LYRM4: variants seen among roughly 807,000 people sequenced by gnomAD.
The protein encoded by LYRM4 is LYR motif-containing protein 4.
Under a neutral mutation model 11.7 loss-of-function variants are expected in LYRM4, and 9 were observed. That is an observed-to-expected ratio of 0.77 (90% confidence interval 0.46 to 1.34). The LOEUF is 1.34. Among genes scored for constraint, LYRM4 ranks in the 40% most tolerant of loss-of-function variants. LYRM4 has a pLI of 0.00. For missense variants in LYRM4, 133 were observed against 112.5 expected (o/e 1.18, Z -0.82); for synonymous variants, 42 against 40.4 (o/e 1.04, Z -0.15).
At chr6:5,124,596 A>G (rs1474976420) in intron 2 of LYRM4, among the ~76,000 whole-genome samples, 1 of 152,058 alleles carries the variant, frequency 6.6e-6, no homozygotes, top group Non-Finnish European at 1.5e-5. Flanking sequence ...GGGAGATGGG[A>G]TTCGACTTCA....
chr6:5,061,589 A>C, the LYRM4 span, among the ~76,000 whole-genome samples: 2 of 152,218 alleles, frequency 1.3e-5, no homozygotes, highest in Non-Finnish European at 2.9e-5. Flanking sequence ...GAAGGTGGCT[A>C]GGGGCTATGG....
At chr6:5,139,767 C>A (rs1374101547) in intron 2 of LYRM4, among the ~76,000 whole-genome samples, 1 of 152,006 alleles carries the variant, frequency 6.6e-6, no homozygotes, top group African/African-American at 2.4e-5. Flanking sequence ...CCGTACATCA[C>A]TTTCCTTTTT....
intron 2 of LYRM4, among the ~76,000 whole-genome samples, chr6:5,174,277 T>C (rs1259791596): frequency 6.6e-6 from 1 of 152,208 alleles, no homozygotes; most frequent in African/African-American, 2.4e-5. Flanking sequence ...AAAAAATTCA[T>C]TAAAATTTCA....
At chr6:5,250,734 G>C (rs956900956) in intron 1 of LYRM4, among the ~76,000 whole-genome samples, 2 of 152,144 alleles carry the variant, frequency 1.3e-5, no homozygotes, top group African/African-American at 4.8e-5. Context: ...CGTAAGAACT[G>C]ATATGGAAAC....
At chr6:5,070,973 C>T in the LYRM4 span, among the ~76,000 whole-genome samples, 29 of 151,480 alleles carry the variant, frequency 1.9e-4, no homozygotes, top group Non-Finnish European at 2.8e-4. Flanking sequence ...GGACGGATCG[C>T]GAGGTCAGGA....
chr6:5,064,183 C>G, the LYRM4 span, among the ~76,000 whole-genome samples: 1 of 146,728 alleles, frequency 6.8e-6, no homozygotes, highest in African/African-American at 2.5e-5. Flanking sequence ...GGAATTTTAT[C>G]CCATCTGCTG....
the LYRM4 span, among the ~76,000 whole-genome samples, chr6:5,037,938 G>A: frequency 2.3e-4 from 13 of 57,736 alleles, 6 homozygotes; most frequent in African/African-American, 6.1e-4. Flanking sequence ...GGCCGGGCGG[G>A]GGGCTGACCG....
At chr6:5,129,377 T>C (rs1180194075) in intron 2 of LYRM4, among the ~76,000 whole-genome samples, 4 of 152,202 alleles carry the variant, frequency 2.6e-5, no homozygotes, top group African/African-American at 7.2e-5. Flanking sequence ...CAAGGTGTTG[T>C]CAGGGCTGGC....
At chr6:5,196,173 G>A (rs962645088) in intron 2 of LYRM4, among the ~76,000 whole-genome samples, 3 of 152,138 alleles carry the variant, frequency 2.0e-5, no homozygotes, top group African/African-American at 7.2e-5. Flanking sequence ...TCTGCCCAGG[G>A]CAGTGGACTC....
Position 5,109,188 on chromosome 6 carries a change from C to T in LYRM4, c.*235G>A. The T allele has an allele frequency of 1.4e-6, 2 of 1,381,330 alleles. No homozygotes were observed. Among genetic ancestry groups the T allele is most frequent in the South Asian group, 1.7e-5 (1 of 58,014 alleles). The allele number at this position is 1,381,330 out of a possible 1,614,324, so 85.6% of individuals were successfully genotyped here. A position where few individuals can be genotyped will look rare whatever the true frequency, so the allele number is the denominator to read the frequency against. On this transcript the variant is annotated 3_prime_UTR_variant, in exon 3 of 3. Coordinates refer to ENST00000330636, the MANE Select transcript of LYRM4 (RefSeq NM_020408.6). ...GGTGCAGGGGAGACGTGGTAACACA[C>T]AGCACTATTCTGAACGAACTCCAGC... is the stretch of plus-strand genomic sequence containing the variant.
At chr6:5,133,419 C>G (rs78288776) in intron 2 of LYRM4, among the ~76,000 whole-genome samples, 10,841 of 152,230 alleles carry the variant, frequency 0.071, 462 homozygotes, top group Middle Eastern at 0.14. Context: ...AGCACGCCAC[C>G]ACCACCTGTG....
At chr6:5,257,025 G>A (rs539502957) in intron 1 of LYRM4, among the ~76,000 whole-genome samples, 17 of 151,966 alleles carry the variant, frequency 1.1e-4, no homozygotes, top group African/African-American at 4.1e-4. Flanking sequence ...CCTTACTAGC[G>A]TCCTAATCTC....
At chr6:5,156,819 A>G (rs555745303) in intron 2 of LYRM4, among the ~76,000 whole-genome samples, 1 of 152,322 alleles carries the variant, frequency 6.6e-6, no homozygotes, top group African/African-American at 2.4e-5. Context: ...TCTGTACTGC[A>G]AGGCAATCCT....
intron 1 of LYRM4, among the ~76,000 whole-genome samples, chr6:5,220,672 G>T (rs1762528473): frequency 6.6e-6 from 1 of 152,186 alleles, no homozygotes; most frequent in Non-Finnish European, 1.5e-5. Context: ...GCTGCTTTCA[G>T]ATCACTGATT....
intron 2 of LYRM4, among the ~76,000 whole-genome samples, chr6:5,182,028 C>G (rs968984226): frequency 1.3e-5 from 2 of 152,178 alleles, no homozygotes; most frequent in Non-Finnish European, 2.9e-5. Flanking sequence ...ACCTCCCCCC[C>G]AATCCCCAGA....
At chr6:5,160,164 A>G (rs1438507645) in intron 2 of LYRM4, among the ~76,000 whole-genome samples, 1 of 152,086 alleles carries the variant, frequency 6.6e-6, no homozygotes, top group Non-Finnish European at 1.5e-5. Flanking sequence ...TTGTGTGTGT[A>G]CCATTCCCTT....
At chr6:5,187,124 T>C (rs1299304143) in intron 2 of LYRM4, 1 of 663,290 alleles carries the variant, frequency 1.5e-6, no homozygotes, top group East Asian at 1.4e-4. Flanking sequence ...CACATGCTAA[T>C]AGCACAAAAT....
intron 1 of LYRM4, among the ~76,000 whole-genome samples, chr6:5,243,053 G>A (rs1763979932): frequency 1.3e-5 from 2 of 152,110 alleles, no homozygotes; most frequent in South Asian, 2.1e-4. Flanking sequence ...GATTACAGGC[G>A]TGAGCCACCG....
At chr6:5,033,180 T>TCTCCC in the LYRM4 span, 1 of 142,034 alleles carries the variant, frequency 7.0e-6, no homozygotes, top group Non-Finnish European at 1.6e-5. Flanking sequence ...AGACAGACTC[T>TCTCCC]TCTCCCTCCC....
Sources: gnomAD v4.1 joint callset for allele counts (sites outside exome capture counted in the v4.1 genomes callset) on GRCh38, gnomAD v4.1.1 for gene constraint, MANE v1.5 for transcripts, NCBI Gene and HGNC (gene_info 2026-07-23, HGNC 2026-07-21) for gene names.